SDK1: variants seen among roughly 807,000 people sequenced by gnomAD.
SDK1 encodes the protein protein sidekick-1.
SDK1 carries 157 observed loss-of-function variants against 245.5 expected under a neutral mutation model. That is an observed-to-expected ratio of 0.64 (90% confidence interval 0.56 to 0.73). The LOEUF is 0.73. SDK1 is among the 30% of genes least tolerant of loss of function. The pLI, the probability that SDK1 is intolerant of heterozygous loss-of-function variation, is 0.00. For missense variants in SDK1, 3,583 were observed against 3,002.3 expected, an observed-to-expected ratio of 1.19 and a Z score of -4.52; for synonymous variants, 1,647 against 1,278.5, an observed-to-expected ratio of 1.29 and a Z score of -6.15.
At chr7:3,379,555 G>A (rs933453036) in intron 1 of SDK1, among the ~76,000 whole-genome samples, 2 of 152,060 alleles carry the variant, frequency 1.3e-5, no homozygotes, top group Non-Finnish European at 2.9e-5. Context: ...CACTCCTCAA[G>A]GACATTTACT....
At chr7:3,820,951 A>T (rs1054930414) in intron 4 of SDK1, among the ~76,000 whole-genome samples, 1 of 152,274 alleles carries the variant, frequency 6.6e-6, no homozygotes, top group African/African-American at 2.4e-5. Flanking sequence ...GGGGGGCAGC[A>T]CTGTGCCCAT....
Position 4,130,043 on chromosome 7 carries a change from A to C in SDK1, c.4075A>C (p.Ile1359Leu). Residue 1359 changes from isoleucine (I) to leucine (L), a missense_variant, in exon 27 of 45, where the codon ATC (isoleucine) becomes CTC (leucine). Coordinates refer to ENST00000404826, the MANE Select transcript of SDK1 (RefSeq NM_152744.4). ...GCTCCAGGTGCTGGCGTTCACCCGC[A>C]TCGGGAACGGGGTCCCCAGCACGCC... ...YELQVLAFTR[I>L]GNGVPSTPLI... 1 of 1,613,060 alleles carries C rather than the reference A, an allele frequency of 6.2e-7. No individual in the cohort carries two copies.
At position 4,067,911 on chromosome 7, in the gene SDK1, C is replaced by G. The variant is rs200695848; in HGVS notation, c.2985C>G (p.Pro995=). The change falls in exon 20 of 45, where the codon CCC becomes CCG. Residue 995 remains proline, a synonymous_variant. Transcript: ENST00000404826. The part of the protein sequence containing the change: ...DTSLKVSWQE[P]LEKNGIITGY... Reference sequence around the variant, plus strand: ...CTCTCAAGGTCAGCTGGCAGGAGCCCCTGGAGAAAAATGGCATCATTACTG... The same window carrying G: ...CTCTCAAGGTCAGCTGGCAGGAGCCGCTGGAGAAAAATGGCATCATTACTG... The G allele has an allele frequency of 6.2e-7, 1 of 1,612,578 alleles. No individual in the cohort carries two copies. The highest frequency in any genetic ancestry group is 1.1e-5 in the South Asian group (1 of 90,538).
chr7:3,600,977 G>A (rs994901532), intron 1 of SDK1, among the ~76,000 whole-genome samples: 1 of 151,914 alleles, frequency 6.6e-6, no homozygotes, highest in Non-Finnish European at 1.5e-5. Context: ...TCAATTGATA[G>A]CTCACCTAAT....
At chr7:4,262,370 G>A (rs1384681554) in intron 44 of SDK1, among the ~76,000 whole-genome samples, 2 of 151,448 alleles carry the variant, frequency 1.3e-5, no homozygotes, top group African/African-American at 4.9e-5. Context: ...CAAACCGAAA[G>A]ACCATAAAAT....
chr7:3,733,765 G>A (rs1779243743), intron 4 of SDK1, among the ~76,000 whole-genome samples: 1 of 152,130 alleles, frequency 6.6e-6, no homozygotes, highest in Non-Finnish European at 1.5e-5. Flanking sequence ...TTGTACTTAA[G>A]GCCTGTTGCT....
At position 4,003,201 on chromosome 7, in the gene SDK1, A is replaced by G. The variant is rs79343010; in HGVS notation, c.2132-7765A>G. Among the ~76,000 whole-genome samples, 1,142 of 152,340 alleles carry G rather than the reference A, an allele frequency of 7.5e-3. 19 individuals carry two copies. The highest frequency in any genetic ancestry group is 0.026 in the African/African-American group (1,075 of 41,588). Reference sequence around the variant, plus strand: ...GATCTGCTCTTCTCATGCAAAACACATGACCTTCCACTGCAGGTTCCACGC... The same window carrying G: ...GATCTGCTCTTCTCATGCAAAACACGTGACCTTCCACTGCAGGTTCCACGC... On this transcript the variant is annotated intron_variant, in intron 14 of 44. Transcript: ENST00000404826.
intron 4 of SDK1, among the ~76,000 whole-genome samples, chr7:3,818,844 A>G (rs1353032106): frequency 6.6e-6 from 1 of 152,186 alleles, no homozygotes; most frequent in Non-Finnish European, 1.5e-5. Context: ...AATCACCACC[A>G]TGAACACGTT....
chr7:3,614,237 G>A (rs115930105), intron 1 of SDK1, among the ~76,000 whole-genome samples: 3,324 of 152,196 alleles, frequency 0.022, 133 homozygotes, highest in African/African-American at 0.075. Flanking sequence ...TTTCATAAAT[G>A]ATTTATGTTC....
At chr7:3,343,849 T>C (rs750010714) in intron 1 of SDK1, among the ~76,000 whole-genome samples, 9 of 152,054 alleles carry the variant, frequency 5.9e-5, no homozygotes, top group African/African-American at 1.9e-4. Context: ...GGCAAAAAGA[T>C]ACCATACAAA....
intron 1 of SDK1, among the ~76,000 whole-genome samples, chr7:3,503,927 G>A (rs537485228): frequency 1.7e-4 from 26 of 152,034 alleles, no homozygotes; most frequent in East Asian, 9.7e-4. Flanking sequence ...CGAGGTGGGC[G>A]GATCACGAGG....
chr7:3,698,112 C>T (rs1362754765), intron 4 of SDK1, among the ~76,000 whole-genome samples: 1 of 152,136 alleles, frequency 6.6e-6, no homozygotes, highest in Non-Finnish European at 1.5e-5. Flanking sequence ...CCAAACCCTC[C>T]CCTTCCTCCC....
At chr7:3,388,478 G>C (rs570156211) in intron 1 of SDK1, among the ~76,000 whole-genome samples, 7 of 151,784 alleles carry the variant, frequency 4.6e-5, no homozygotes, top group Admixed American at 4.6e-4. Context: ...ATAGCTCATT[G>C]TATTCTCAAA....
intron 30 of SDK1, among the ~76,000 whole-genome samples, chr7:4,152,352 C>T (rs953688807): frequency 3.3e-5 from 5 of 152,116 alleles, no homozygotes; most frequent in Admixed American, 6.6e-5. Flanking sequence ...GGCACAGCCC[C>T]GAGGGTCAGG....
chr7:3,893,206 T>C (rs544307109), intron 5 of SDK1, among the ~76,000 whole-genome samples: 5 of 152,138 alleles, frequency 3.3e-5, no homozygotes, highest in Non-Finnish European at 7.3e-5. Flanking sequence ...CAAAATCTGA[T>C]CCCTTAACCA....
intron 39 of SDK1, 44 bp downstream of exon 39, chr7:4,220,314 G>T: frequency 6.3e-7 from 1 of 1,579,100 alleles, no homozygotes; most frequent in Non-Finnish European, 8.7e-7. Context: ...TGCAACTTTA[G>T]CCTCCCGCCT....
chr7:3,505,573 C>G (rs1382210225), intron 1 of SDK1, among the ~76,000 whole-genome samples: 1 of 152,150 alleles, frequency 6.6e-6, no homozygotes, highest in Non-Finnish European at 1.5e-5. Context: ...TAATATATCT[C>G]TTCACATAAA....
At chr7:3,625,538 G>A (rs1408111710) in intron 2 of SDK1, among the ~76,000 whole-genome samples, 1 of 152,224 alleles carries the variant, frequency 6.6e-6, no homozygotes, top group Admixed American at 6.5e-5. Flanking sequence ...GGAAGCACCA[G>A]TGCAGGGATC....
chr7:3,918,357 G>C (rs1363023338), intron 5 of SDK1, among the ~76,000 whole-genome samples: 1 of 152,116 alleles, frequency 6.6e-6, no homozygotes, highest in Non-Finnish European at 1.5e-5. Flanking sequence ...CCAGAGCTCC[G>C]CCCCCTGTCA....
Sources: gnomAD v4.1 joint callset for allele counts (sites outside exome capture counted in the v4.1 genomes callset) on GRCh38, gnomAD v4.1.1 for gene constraint, MANE v1.5 for transcripts, NCBI Gene and HGNC (gene_info 2026-07-23, HGNC 2026-07-21) for gene names.